The following TTN variants were observed in gnomAD, a reference collection of about 807,000 sequenced individuals.
TTN encodes titin.
TTN carries 1,525 observed loss-of-function variants against 3,223.0 expected under a neutral mutation model. That is an observed-to-expected ratio of 0.47 (90% CI 0.45 to 0.49). The LOEUF (loss-of-function observed/expected upper bound fraction) is 0.49. TTN is among the 20% of genes least tolerant of loss of function. The pLI is 0.00. For synonymous variants in TTN, 14,094 were observed against 15,161.0 expected, an observed-to-expected ratio of 0.93 and a Z score of 5.17; for missense variants, 40,786 against 43,424.0, an observed-to-expected ratio of 0.94 and a Z score of 5.40.
At chr2:178,749,869 A>T (rs753500221) in intron 47 of TTN, 14 of 1,613,158 alleles carry the variant, frequency 8.7e-6, no homozygotes, top group African/African-American at 1.3e-5. Context: ...AACATTCAAG[A>T]ATGATGGAAT....
chr2:178,755,118 G>C (rs1417422822), intron 46 of TTN, among the ~76,000 whole-genome samples: 2 of 152,250 alleles, frequency 1.3e-5, no homozygotes, highest in East Asian at 3.9e-4. Flanking sequence ...CAGTGAAGCT[G>C]TTTTGACTAC....
intron 330 of TTN, 45 bp downstream of exon 330, chr2:178,556,803 C>A: frequency 6.2e-7 from 1 of 1,601,004 alleles, no homozygotes; most frequent in Non-Finnish European, 8.5e-7. Flanking sequence ...TGCGGAAATA[C>A]TGAGTTAAAT....
At chr2:178,798,504 T>C (rs1423690629) in intron 6 of TTN, 1 of 152,138 alleles carries the variant, frequency 6.6e-6, no homozygotes, top group Non-Finnish European at 1.5e-5. Flanking sequence ...ATGCAAAATA[T>C]TTAAAAGGTT....
At position 178,777,750 on chromosome 2, in the gene TTN, T is replaced by C. The variant is rs1175803570; in HGVS notation, c.4434A>G (p.Leu1478=). The C allele has an allele frequency of 3.7e-6, 6 of 1,614,122 alleles. No individual in the cohort carries two copies. The highest frequency in any genetic ancestry group is 5.1e-6 in the Non-Finnish European group (6 of 1,179,980). The change falls in exon 25 of 363, where the codon TTA becomes TTG. Residue 1478 remains leucine (L), a synonymous_variant. Transcript: ENST00000589042. ...CLEGQTARFD[L]KVVGRPMPET... Reference sequence around the variant, plus strand: ...CTGGCATAGGTCTACCAACAACCTTTAAGTCAAATCTGGCAGTTTGCCCTT... The same window carrying C: ...CTGGCATAGGTCTACCAACAACCTTCAAGTCAAATCTGGCAGTTTGCCCTT...
At position 178,719,361 on chromosome 2, in the gene TTN, C is replaced by T; in HGVS notation, c.24029G>A (p.Gly8010Asp). The change falls in exon 83 of 363, where the codon GGC (glycine) becomes GAC (aspartate). Residue 8010 changes from glycine (G) to aspartate (D), a missense_variant. Transcript: ENST00000589042. ...CCAGCCAACTGAAATCGGGGCTGAGCCAGAGACTCGGCACTCCAAAACAAC... is the reference window on the plus strand; with the variant it reads ...CCAGCCAACTGAAATCGGGGCTGAGTCAGAGACTCGGCACTCCAAAACAAC... ...ASVVLECRVSGSAPISVGWFQ... is the reference protein window; with the variant it reads ...ASVVLECRVSDSAPISVGWFQ... 1 of 1,613,712 alleles carries T rather than the reference C, an allele frequency of 6.2e-7. No individual in the cohort carries two copies. The highest frequency in any genetic ancestry group is 8.5e-7 in the Non-Finnish European group (1 of 1,179,740).
In TTN at chr2:178,768,775, G is replaced by A; in HGVS notation, c.9061C>T (p.Leu3021Phe). The A allele has an allele frequency of 6.2e-7, 1 of 1,614,110 alleles. No individual in the cohort carries two copies. Among genetic ancestry groups the A allele is most frequent in the South Asian group, 1.1e-5 (1 of 91,078 alleles). The stretch of plus-strand genomic sequence containing the variant: ...TTCCTGATGTTCAGTGAGTGTGTGA[G>A]CTTTTTGGTTCTCATCTGGCACTTG... Reference protein sequence around the residue: ...TDKCQMRTKKLTHSLNIRNVH... With the variant: ...TDKCQMRTKKFTHSLNIRNVH... The change falls in exon 38 of 363, where the codon CTC (leucine) becomes TTC (phenylalanine). Residue 3021 changes from leucine to phenylalanine, a missense_variant. Coordinates refer to ENST00000589042, the MANE Select transcript of TTN (RefSeq NM_001267550.2).
chr2:178,803,464 T>C lies in TTN; in HGVS notation c.91+1088A>G, dbSNP rs187709287. 1.6e-4 allele frequency among the ~76,000 whole-genome samples: 24 copies of C among 151,632 alleles called. No homozygotes were observed. In the East Asian group the frequency reaches 4.3e-3, roughly 27 times the overall value. ...AGACTTATTTTCTATTGTACATATA[T>C]AGACCAATGAAAAGGGAATTTCATT... On this transcript the variant is annotated intron_variant, in intron 2 of 362. Transcript: ENST00000589042.
Position 178,634,352 on chromosome 2 carries a change from A to G in TTN, c.42415+14T>C. ...GCCTTTATGGGATGTCACAGATCTC[A>G]TTAGCTCGCTTACCTGTGACAAACA... is the stretch of plus-strand genomic sequence containing the variant. On this transcript the variant is annotated intron_variant, in intron 230 of 362. Transcript: ENST00000589042. The surrounding 1 kb of genome is among the most constrained non-coding windows in gnomAD (Gnocchi z 4.6). The G allele has an allele frequency of 6.3e-7, 1 of 1,596,380 alleles. No individual in the cohort carries two copies. The highest frequency in any genetic ancestry group is 1.4e-5 in the African/African-American group (1 of 73,532).
chr2:178,590,287 C>A lies in TTN; in HGVS notation c.61438G>T (p.Val20480Phe), dbSNP rs1043320696. 3 of 1,570,612 alleles carry A rather than the reference C, an allele frequency of 1.9e-6. No individual in the cohort carries two copies. The highest frequency in any genetic ancestry group is 2.7e-5 in the African/African-American group (2 of 73,618). ...ILHPPEVELD[V>F]TCRDVITVRV... is the part of the protein sequence containing the mutation. Reference sequence around the variant, plus strand: ...ACGGTAATAACATCACGACAAGTAACATCAAGTTCTACTTCTGGAGGATGA... The same window carrying A: ...ACGGTAATAACATCACGACAAGTAAAATCAAGTTCTACTTCTGGAGGATGA... Residue 20480 changes from valine (V) to phenylalanine (F), a missense_variant, in exon 304 of 363, where the codon GTT becomes TTT. By Grantham distance (50) the Val-to-Phe change is conservative. Transcript: ENST00000589042.
intron 152 of TTN, 141 bp downstream of exon 152, chr2:178,673,492 G>T: frequency 1.8e-6 from 1 of 546,756 alleles, no homozygotes. Context: ...TTAAAGAAAT[G>T]GAATGAGTTA....
In TTN at chr2:178,535,175, C is replaced by T. The variant is rs760254702; in HGVS notation, c.101440G>A (p.Glu33814Lys). The T allele has an allele frequency of 1.9e-6, 3 of 1,613,860 alleles. No individual in the cohort carries two copies. Among genetic ancestry groups the T allele is most frequent in the East Asian group, 2.2e-5 (1 of 44,866 alleles). Residue 33814 changes from glutamate (E) to lysine (K), a missense_variant, in exon 358 of 363, where the codon GAA becomes AAA. By Grantham distance (56) the Glu-to-Lys change is moderately conservative (BLOSUM62 1). Transcript: ENST00000589042. ...MTKASHSSTK[E>K]LYEKYMIAED... ...GCAATCATATATTTCTCATAGAGTT[C>T]CTTGGTTGAAGAGTGAGATGCTTTA...
intron 6 of TTN, among the ~76,000 whole-genome samples, chr2:178,798,197 C>T (rs1023483952): frequency 2.0e-5 from 3 of 152,034 alleles, no homozygotes; most frequent in East Asian, 3.8e-4. Flanking sequence ...CAACTATCTC[C>T]TTATTATTCT....
At chr2:178,804,743 C>T (rs2094233058) in intron 1 of TTN, 88 bp from the exon 2 acceptor site, 1 of 1,196,662 alleles carries the variant, frequency 8.4e-7, no homozygotes, top group Admixed American at 1.9e-5. Context: ...CACGTTTCTC[C>T]AAATGGATTG....
rs1371164288 is a variant in TTN, at chr2:178,566,662, T to C, written c.79470A>G (p.Pro26490=). ...TGTCTACAATGTGTGCATTGGTAGGTGGGCCAGGTTTGAACACAGGATCAC... is the reference window on the plus strand; with the variant it reads ...TGTCTACAATGTGTGCATTGGTAGGCGGGCCAGGTTTGAACACAGGATCAC... ...KACDPVFKPG[P]PTNAHIVDTT... is the part of the protein sequence containing the mutation. Residue 26490 remains proline, a synonymous_variant, in exon 326 of 363, where the codon CCA becomes CCG. Coordinates refer to ENST00000589042, the MANE Select transcript of TTN (RefSeq NM_001267550.2). The C allele has an allele frequency of 1.2e-6, 2 of 1,613,144 alleles. No homozygotes were observed. Among genetic ancestry groups the C allele is most frequent in the Non-Finnish European group, 8.5e-7 (1 of 1,179,672 alleles).
rs776756769 is a variant in TTN at position 178,561,450 on chromosome 2, G to A, written c.84682C>T (p.Arg28228Cys). Residue 28228 changes from arginine (R) to cysteine (C), a missense_variant, in exon 326 of 363, where the codon CGT becomes TGT. Transcript: ENST00000589042. ...GLDEGLMYEY[R>C]VYAENIAGIG... ...CCAGCAATATTTTCAGCATATACAC[G>A]ATACTCATACATCAGTCCTTCATCA... The A allele has an allele frequency of 9.3e-6, 15 of 1,613,612 alleles. No individual in the cohort carries two copies. The highest frequency in any genetic ancestry group is 2.2e-5 in the South Asian group (2 of 91,088).
rs370856494 is a variant in TTN, at chr2:178,766,516, C to A, written c.9568G>T (p.Val3190Phe). 3.5e-5 allele frequency: 57 copies of A among 1,614,068 alleles called. No individual in the cohort carries two copies. In the South Asian group the frequency reaches 5.6e-4, roughly 16 times the overall value. The change falls in exon 41 of 363, where the codon GTT becomes TTT. Residue 3190 changes from valine (V) to phenylalanine (F), a missense_variant. Transcript: ENST00000589042. Reference sequence around the variant, plus strand: ...ACTACATATTTGTGTCGTTCTTGAACTTGGAAATTGATTTCAATGCCATCT... The same window carrying A: ...ACTACATATTTGTGTCGTTCTTGAAATTGGAAATTGATTTCAATGCCATCT... Reference protein sequence around the residue: ...YKDGIEINFQVQERHKYVVER... With the variant: ...YKDGIEINFQFQERHKYVVER...
In TTN at chr2:178,581,495, T is replaced by C. The variant is rs368682419; in HGVS notation, c.66769+4A>G. 4 of 1,581,002 alleles carry C rather than the reference T, an allele frequency of 2.5e-6. No individual in the cohort carries two copies. In the African/African-American group the frequency reaches 4.0e-5, roughly 16 times the overall value. ...CCTTATGTACTCCCCCTGGTAATACTTACTTAAGATGTCCTTGGGATAGTG... is the reference window on the plus strand; with the variant it reads ...CCTTATGTACTCCCCCTGGTAATACCTACTTAAGATGTCCTTGGGATAGTG... On this transcript the variant is annotated splice_donor_region_variant and intron_variant, in intron 316 of 362. Transcript: ENST00000589042.
At chr2:178,686,090 G>A (rs1022159453) in intron 127 of TTN, among the ~76,000 whole-genome samples, 25 of 146,512 alleles carry the variant, frequency 1.7e-4, no homozygotes, top group African/African-American at 6.4e-4. Flanking sequence ...CATGATTTTT[G>A]AGCCTAAGTG....
chr2:178,772,681 G>A (rs1212463175), intron 33 of TTN, among the ~76,000 whole-genome samples: 1 of 152,148 alleles, frequency 6.6e-6, no homozygotes, highest in African/African-American at 2.4e-5. Flanking sequence ...TTTAAATAAA[G>A]CTCAATACAG....
Sources: gnomAD v4.1 joint callset for allele counts (sites outside exome capture counted in the v4.1 genomes callset) on GRCh38, gnomAD v4.1.1 for gene constraint, Gnocchi (gnomAD v3.1) non-coding constraint, MANE v1.5 for transcripts, NCBI Gene and HGNC (gene_info 2026-07-23, HGNC 2026-07-21) for gene names.